Variants in LRP1B observed in about 807,000 individuals in gnomAD.
LRP1B encodes LDL receptor related protein 1B.
In LRP1B, 217 loss-of-function variants were observed where a neutral mutation model predicts 556.6. The observed-to-expected ratio is 0.39, with a 90% CI of 0.35 to 0.44. LRP1B has a LOEUF of 0.44. Ranked by LOEUF, LRP1B falls within the 20% of genes least tolerant of loss-of-function variation. LRP1B has a pLI of 1.00. For synonymous variants in LRP1B, 2,047 were observed against 1,865.8 expected, an observed-to-expected ratio of 1.10 and a Z score of -2.50; for missense variants, 5,053 against 5,620.8, an observed-to-expected ratio of 0.90 and a Z score of 3.23.
intron 1 of LRP1B, among the ~76,000 whole-genome samples, chr2:142,119,619 T>C (rs1318307418): frequency 6.6e-6 from 1 of 152,178 alleles, no homozygotes; most frequent in Non-Finnish European, 1.5e-5. Context: ...CCCAGGGTAA[T>C]TCAATCAGCT....
In LRP1B at chr2:141,877,425, A is replaced by G. The variant is rs141216735; in HGVS notation, c.83-67024T>C. Among the ~76,000 whole-genome samples the G allele has an allele frequency of 8.9e-3, 1,349 of 152,088 alleles. 9 individuals are homozygous for G. The highest frequency in any genetic ancestry group is 0.014 in the Non-Finnish European group (976 of 67,944). On this transcript the variant is annotated intron_variant, in intron 1 of 90. Coordinates refer to ENST00000389484, the MANE Select transcript of LRP1B (RefSeq NM_018557.3). Reference sequence around the variant, plus strand: ...TATATCTGGGAAATGGGTAAAGGTCATATGTGTTACCCACTTGTAGGTCAA... The same window carrying G: ...TATATCTGGGAAATGGGTAAAGGTCGTATGTGTTACCCACTTGTAGGTCAA...
At chr2:141,093,832 A>G (rs538457762) in intron 7 of LRP1B, among the ~76,000 whole-genome samples, 1 of 152,138 alleles carries the variant, frequency 6.6e-6, no homozygotes, top group South Asian at 2.1e-4. Flanking sequence ...CTCCTGTCTC[A>G]GCCTCCCAAG....
chr2:142,023,592 G>A (rs1167027467), intron 1 of LRP1B, among the ~76,000 whole-genome samples: 3 of 152,170 alleles, frequency 2.0e-5, no homozygotes, highest in African/African-American at 7.2e-5. Context: ...TCATGCTGAA[G>A]AGGCCAATGG....
intron 2 of LRP1B, among the ~76,000 whole-genome samples, chr2:141,794,079 A>T (rs1483985166): frequency 6.6e-6 from 1 of 151,978 alleles, no homozygotes; most frequent in Non-Finnish European, 1.5e-5. Flanking sequence ...TCTAATCATC[A>T]GCCTTTTTTA....
chr2:141,232,911 G>A (rs1052074074), intron 5 of LRP1B, among the ~76,000 whole-genome samples: 1 of 152,160 alleles, frequency 6.6e-6, no homozygotes, highest in Admixed American at 6.5e-5. Context: ...CAAGGTCTAA[G>A]GATCCAATTC....
rs184253799 is a variant in LRP1B, at chr2:141,827,823, G to A, written c.83-17422C>T. On this transcript the variant is annotated intron_variant, in intron 1 of 90. Coordinates refer to ENST00000389484, the MANE Select transcript of LRP1B (RefSeq NM_018557.3). ...CATACACAAATACACAGTAAATATT[G>A]CTATAAAGTATATATATACTTTATC... Among the ~76,000 whole-genome samples the A allele has an allele frequency of 2.2e-3, 336 of 151,828 alleles. 1 individual carries two copies. The highest frequency in any genetic ancestry group is 7.7e-3 in the African/African-American group (319 of 41,404).
In LRP1B at chr2:142,051,903, A is replaced by C. The variant is rs151328301; in HGVS notation, c.82+78745T>G. Among the ~76,000 whole-genome samples the C allele has an allele frequency of 2.8e-3, 432 of 152,308 alleles. 3 individuals are homozygous for C. The highest frequency in any genetic ancestry group is 0.01 in the African/African-American group (417 of 41,578). Reference sequence around the variant, plus strand: ...TCACAAACATACTGGAAGACAGTTCAACCATAATAGAACTGTGAAAATCAG... The same window carrying C: ...TCACAAACATACTGGAAGACAGTTCCACCATAATAGAACTGTGAAAATCAG... On this transcript the variant is annotated intron_variant, in intron 1 of 90. Transcript: ENST00000389484.
intron 31 of LRP1B, among the ~76,000 whole-genome samples, chr2:140,830,861 A>C (rs1007938030): frequency 2.0e-5 from 3 of 152,146 alleles, no homozygotes; most frequent in Non-Finnish European, 4.4e-5. Context: ...CAAATTCAAT[A>C]ATGTTGCCGG....
chr2:140,267,992 G>T (rs1461903218), intron 86 of LRP1B, among the ~76,000 whole-genome samples: 1 of 151,764 alleles, frequency 6.6e-6, no homozygotes, highest in African/African-American at 2.4e-5. Flanking sequence ...TTTTTATTCT[G>T]GTAATACAGG....
intron 2 of LRP1B, among the ~76,000 whole-genome samples, chr2:141,768,185 A>T (rs539373904): frequency 1.3e-5 from 2 of 152,286 alleles, no homozygotes; most frequent in South Asian, 4.1e-4. Context: ...GAAGAATATT[A>T]ATATTCTTTC....
intron 23 of LRP1B, among the ~76,000 whole-genome samples, chr2:140,891,754 C>T (rs1346621567): frequency 6.6e-6 from 1 of 152,038 alleles, no homozygotes; most frequent in Non-Finnish European, 1.5e-5. Context: ...AGAATGAAGG[C>T]CAGGGTGAAC....
intron 83 of LRP1B, among the ~76,000 whole-genome samples, chr2:140,312,474 A>C (rs564557679): frequency 1.3e-5 from 2 of 152,098 alleles, no homozygotes; most frequent in Admixed American, 1.3e-4. Flanking sequence ...TAGAGAATAA[A>C]TGTTCATAAA....
intron 3 of LRP1B, chr2:141,286,776 T>C: frequency 2.3e-6 from 1 of 431,198 alleles, no homozygotes; most frequent in Non-Finnish European, 4.8e-6. Flanking sequence ...ACTTGTACAT[T>C]GTACAAGTGT....
chr2:141,989,167 TTTTTAA>T (rs1291547700), intron 1 of LRP1B, among the ~76,000 whole-genome samples: 4 of 152,054 alleles, frequency 2.6e-5, no homozygotes, highest in African/African-American at 9.7e-5. Flanking sequence ...AAAACTTGGC[TTTTTAA>T]TTTTATTATC....
intron 1 of LRP1B, among the ~76,000 whole-genome samples, chr2:141,950,820 C>A (rs1701085753): frequency 1.3e-5 from 2 of 152,008 alleles, no homozygotes; most frequent in Admixed American, 1.3e-4. Flanking sequence ...CTCAAAGAAG[C>A]AATGAAAGTC....
chr2:141,038,580 C>T (rs1441858156), intron 11 of LRP1B, among the ~76,000 whole-genome samples: 5 of 152,064 alleles, frequency 3.3e-5, no homozygotes, highest in African/African-American at 4.8e-5. Context: ...CTCATAATAG[C>T]TAGTGTCGTG....
intron 11 of LRP1B, among the ~76,000 whole-genome samples, chr2:141,040,381 C>T (rs187333268): frequency 3.9e-5 from 6 of 152,112 alleles, no homozygotes; most frequent in Admixed American, 2.0e-4. Flanking sequence ...TTCATTACTA[C>T]GAAACTCAAT....
intron 11 of LRP1B, among the ~76,000 whole-genome samples, chr2:141,043,425 C>A (rs1004985439): frequency 2.0e-5 from 3 of 151,630 alleles, no homozygotes; most frequent in African/African-American, 7.3e-5. Context: ...CCCTTTTCAA[C>A]CCACATTATC....
chr2:140,532,542 G>A (rs148122819), intron 47 of LRP1B, among the ~76,000 whole-genome samples: 1,692 of 151,938 alleles, frequency 0.011, 13 homozygotes, highest in Middle Eastern at 0.024. Flanking sequence ...GACTACAGGC[G>A]AGTGCAACCA....
Sources: allele counts gnomAD v4.1 joint callset (sites outside exome capture counted in the v4.1 genomes callset), GRCh38; gene constraint gnomAD v4.1.1; transcripts MANE v1.5; gene names NCBI Gene and HGNC (gene_info 2026-07-23, HGNC 2026-07-21).